GPR176: variants seen among roughly 807,000 people sequenced by gnomAD.
GPR176 encodes G-protein coupled receptor 176.
GPR176 carries 26 observed loss-of-function variants against 35.4 expected under a neutral mutation model. The ratio of observed to expected loss-of-function variants is 0.74; its 90% confidence interval spans 0.54 to 1.02. The LOEUF is 1.02. Ranked by LOEUF, GPR176 falls within the 50% of genes least tolerant of loss-of-function variation. The probability of loss-of-function intolerance (pLI) is 0.00; values close to 1 mark genes in which losing one functional copy is unlikely to be tolerated. For synonymous variants in GPR176, 278 were observed against 271.3 expected (o/e 1.02, Z -0.24); for missense variants, 597 against 665.3 (o/e 0.90, Z 1.13).
At chr15:39,911,156 T>C (rs1461564141) in intron 1 of GPR176, among the ~76,000 whole-genome samples, 2 of 152,204 alleles carry the variant, frequency 1.3e-5, no homozygotes, top group African/African-American at 4.8e-5. Context: ...TTTTTTTCTG[T>C]ATTTTTTAAA....
intron 1 of GPR176, among the ~76,000 whole-genome samples, chr15:39,875,031 A>C (rs1015115495): frequency 9.9e-5 from 15 of 152,186 alleles, no homozygotes; most frequent in African/African-American, 2.9e-4. Context: ...AACAAGAGCG[A>C]AACTCCATCT....
chr15:39,837,629 G>C (rs1020859177), intron 1 of GPR176, among the ~76,000 whole-genome samples: 4 of 152,048 alleles, frequency 2.6e-5, no homozygotes, highest in African/African-American at 9.7e-5. Context: ...AGTGGTAACA[G>C]TAGTAGTAGT....
chr15:39,899,394 G>A (rs1304169947), intron 1 of GPR176, among the ~76,000 whole-genome samples: 1 of 152,140 alleles, frequency 6.6e-6, no homozygotes, highest in Non-Finnish European at 1.5e-5. Flanking sequence ...TGACAGTAAA[G>A]GGAGCCACTC....
intron 1 of GPR176, among the ~76,000 whole-genome samples, chr15:39,911,678 A>G (rs1177011864): frequency 6.6e-6 from 1 of 152,254 alleles, no homozygotes; most frequent in Non-Finnish European, 1.5e-5. Context: ...TGATACAGTG[A>G]TAACTGAGAG....
intron 1 of GPR176, among the ~76,000 whole-genome samples, chr15:39,859,878 C>T (rs2031482319): frequency 1.3e-5 from 2 of 151,862 alleles, no homozygotes; most frequent in African/African-American, 4.8e-5. Context: ...GTTATGGAGA[C>T]TGGCTGTACA....
intron 1 of GPR176, among the ~76,000 whole-genome samples, chr15:39,906,175 T>G (rs1205057201): frequency 6.6e-6 from 1 of 152,254 alleles, no homozygotes; most frequent in Non-Finnish European, 1.5e-5. Flanking sequence ...GACTTATTTG[T>G]AAAACCTACG....
At chr15:39,822,572 A>G (rs1900347289) in intron 1 of GPR176, among the ~76,000 whole-genome samples, 1 of 152,238 alleles carries the variant, frequency 6.6e-6, no homozygotes, top group Non-Finnish European at 1.5e-5. Flanking sequence ...ACCACAAAAT[A>G]ATGTTTTCTC....
In GPR176 at chr15:39,870,206, C is replaced by T. The variant is rs141203678; in HGVS notation, c.172+49649G>A. Among the ~76,000 whole-genome samples, 269 of 152,322 alleles carry T rather than the reference C, an allele frequency of 1.8e-3. 1 individual carries two copies. The highest frequency in any genetic ancestry group is 5.9e-3 in the African/African-American group (244 of 41,570). On this transcript the variant is annotated intron_variant, in intron 1 of 2. Transcript: ENST00000561100. ...TCCCTGTGCCTCGCTCTCACAAGAA[C>T]ATTTGTGATGACATTTAAGGCCCAC... is the stretch of plus-strand genomic sequence containing the variant.
At chr15:39,848,915 T>TAA (rs35585820) in intron 1 of GPR176, among the ~76,000 whole-genome samples, 5 of 84,848 alleles carry the variant, frequency 5.9e-5, no homozygotes, top group African/African-American at 1.8e-4. Context: ...AAAAGCAAAG[T>TAA]AAAAAAAAAA....
chr15:39,867,523 A>G (rs9630419), intron 1 of GPR176, among the ~76,000 whole-genome samples: 108,352 of 151,958 alleles, frequency 0.71, 39,128 homozygotes, highest in Non-Finnish European at 0.77. Flanking sequence ...AAACGCCTCA[A>G]AGGCCCCAGG....
chr15:39,811,159 A>T (rs1899520953), intron 1 of GPR176, among the ~76,000 whole-genome samples: 1 of 152,032 alleles, frequency 6.6e-6, no homozygotes, highest in Non-Finnish European at 1.5e-5. Flanking sequence ...CCATCTTTTA[A>T]TTGGTATATT....
intron 1 of GPR176, among the ~76,000 whole-genome samples, chr15:39,890,861 G>C (rs2032845969): frequency 1.3e-5 from 2 of 152,336 alleles, no homozygotes; most frequent in South Asian, 2.1e-4. Context: ...GCTTGGGCTT[G>C]ACTAGGCTTC....
Position 39,920,150 on chromosome 15 carries a change from G to T in GPR176, c.-124C>A. On this transcript the variant is annotated 5_prime_UTR_variant, in exon 1 of 3. Coordinates refer to ENST00000561100, the MANE Select transcript of GPR176 (RefSeq NM_007223.3). ...GAGTCCTGGAGAAGCCGGAGCAGCC[G>T]ACGGGTCCCCTCACGTCTCCACATC... 1 of 611,082 alleles carries T rather than the reference G, an allele frequency of 1.6e-6. No individual in the cohort carries two copies. The highest frequency in any genetic ancestry group is 2.4e-6 in the Non-Finnish European group (1 of 414,370). 37.9% of individuals were successfully genotyped at this position (611,082 alleles called of 1,614,324 possible).
intron 1 of GPR176, among the ~76,000 whole-genome samples, chr15:39,919,495 C>T (rs1250562408): frequency 2.6e-5 from 4 of 152,196 alleles, no homozygotes; most frequent in African/African-American, 4.8e-5. Context: ...GTTCAATTAT[C>T]AGTAACAAAT....
At chr15:39,876,372 A>G (rs368664172) in intron 1 of GPR176, among the ~76,000 whole-genome samples, 1 of 152,194 alleles carries the variant, frequency 6.6e-6, no homozygotes, top group East Asian at 1.9e-4. Context: ...ACTTAAATCC[A>G]TTGCTACTAC....
intron 2 of GPR176, among the ~76,000 whole-genome samples, chr15:39,804,444 T>C (rs1002228595): frequency 4.6e-5 from 7 of 152,238 alleles, no homozygotes; most frequent in African/African-American, 1.7e-4. Flanking sequence ...TTTAAAATTA[T>C]GATAAATTTA....
chr15:39,803,469 G>A (rs980985830), intron 2 of GPR176, among the ~76,000 whole-genome samples: 6 of 151,576 alleles, frequency 4.0e-5, no homozygotes, highest in Admixed American at 1.3e-4. Flanking sequence ...TAGTAGAGAC[G>A]GAGTTTCGCC....
At chr15:39,895,812 G>A (rs1318399296) in intron 1 of GPR176, among the ~76,000 whole-genome samples, 1 of 152,102 alleles carries the variant, frequency 6.6e-6, no homozygotes, top group East Asian at 1.9e-4. Flanking sequence ...ATGTTATGAT[G>A]CAAATATATT....
chr15:39,891,820 CAGAG>C (rs1313681785), intron 1 of GPR176, among the ~76,000 whole-genome samples: 1 of 152,082 alleles, frequency 6.6e-6, no homozygotes, highest in Admixed American at 6.5e-5. Flanking sequence ...GCCTGGATGA[CAGAG>C]AGAGACCTTG....
Sources: gnomAD v4.1 joint callset for allele counts (sites outside exome capture counted in the v4.1 genomes callset) on GRCh38, gnomAD v4.1.1 for gene constraint, MANE v1.5 for transcripts, NCBI Gene and HGNC (gene_info 2026-07-23, HGNC 2026-07-21) for gene names.